The following SLC35F3 variants were observed in gnomAD, a reference collection of about 807,000 sequenced individuals.
The protein encoded by SLC35F3 is putative thiamine transporter SLC35F3.
In SLC35F3, 25 loss-of-function variants were observed where a neutral mutation model predicts 49.9. That is an observed-to-expected ratio of 0.50 (90% CI 0.37 to 0.70). The LOEUF (loss-of-function observed/expected upper bound fraction) is 0.70, where lower values mean the gene tolerates loss of function less well. Among genes scored for constraint, SLC35F3 ranks in the 30% least tolerant of loss-of-function variants. The probability of loss-of-function intolerance (pLI) is 0.00; values close to 1 mark genes in which losing one functional copy is unlikely to be tolerated. For missense variants in SLC35F3, 525 were observed against 639.8 expected (o/e 0.82, Z 1.94); for synonymous variants, 275 against 265.4 (o/e 1.04, Z -0.35).
intron 2 of SLC35F3, among the ~76,000 whole-genome samples, chr1:234,149,685 T>A (rs1666044020): frequency 6.6e-6 from 1 of 152,190 alleles, no homozygotes; most frequent in Admixed American, 6.5e-5. Flanking sequence ...ATGTTTCATG[T>A]TTGATATTTT....
At chr1:233,992,302 A>C (rs1663368375) in intron 2 of SLC35F3, among the ~76,000 whole-genome samples, 1 of 152,242 alleles carries the variant, frequency 6.6e-6, no homozygotes. Context: ...GTTGGTATTA[A>C]GAACACCTCA....
intron 2 of SLC35F3, among the ~76,000 whole-genome samples, chr1:233,990,770 G>A (rs4364940): frequency 0.39 from 59,331 of 152,054 alleles, 13,123 homozygotes; most frequent in African/African-American, 0.6. Context: ...TTACACATCC[G>A]TAAAGCTGAA....
At chr1:234,249,091 G>T (rs1318044943) in intron 3 of SLC35F3, among the ~76,000 whole-genome samples, 3 of 152,186 alleles carry the variant, frequency 2.0e-5, no homozygotes, top group Non-Finnish European at 4.4e-5. Context: ...TCTCTGCAGG[G>T]ATTCGCTAAC....
intron 2 of SLC35F3, among the ~76,000 whole-genome samples, chr1:234,204,400 A>G (rs1400763489): frequency 2.6e-5 from 4 of 152,206 alleles, no homozygotes; most frequent in African/African-American, 9.7e-5. Context: ...AAAGGTTCCC[A>G]TCAAGCTACA....
At chr1:234,227,363 G>T (rs1035051449) in intron 2 of SLC35F3, among the ~76,000 whole-genome samples, 1 of 150,528 alleles carries the variant, frequency 6.6e-6, no homozygotes, top group Non-Finnish European at 1.5e-5. Context: ...TTTTGGCATC[G>T]ATTTCCTTGA....
intron 2 of SLC35F3, among the ~76,000 whole-genome samples, chr1:234,077,165 C>T (rs537759271): frequency 1.6e-3 from 243 of 151,452 alleles, no homozygotes; most frequent in Non-Finnish European, 2.6e-3. Context: ...CCACCGCGCC[C>T]GGCTAATTTT....
chr1:234,238,649 A>G lies in SLC35F3; in HGVS notation c.608+6908A>G, dbSNP rs117823107. ...CCCACCACCACATCTCAGTTAACATATGCTGGCTTCATCCCAGTGAAATTC... is the reference window on the plus strand; with the variant it reads ...CCCACCACCACATCTCAGTTAACATGTGCTGGCTTCATCCCAGTGAAATTC... On this transcript the variant is annotated intron_variant, in intron 3 of 7. Transcript: ENST00000366618. Among the ~76,000 whole-genome samples the G allele has an allele frequency of 3.7e-3, 561 of 152,074 alleles. 21 individuals are homozygous for G. The South Asian group carries it at 0.056, about 15-fold the overall frequency.
At chr1:233,912,261 C>CTT (rs1661886883) in intron 2 of SLC35F3, among the ~76,000 whole-genome samples, 1 of 152,046 alleles carries the variant, frequency 6.6e-6, no homozygotes, top group Non-Finnish European at 1.5e-5. Context: ...GGGTGAATCA[C>CTT]GAGGTCAGGA....
intron 2 of SLC35F3, among the ~76,000 whole-genome samples, chr1:234,098,767 G>T (rs895300229): frequency 1.3e-5 from 2 of 150,758 alleles, no homozygotes; most frequent in African/African-American, 2.4e-5. Flanking sequence ...TGACTGTGTT[G>T]GTGGTGGTGG....
chr1:233,946,787 G>T (rs1662519755), intron 2 of SLC35F3, among the ~76,000 whole-genome samples: 1 of 152,228 alleles, frequency 6.6e-6, no homozygotes, highest in South Asian at 2.1e-4. Flanking sequence ...GCAAGTTCAT[G>T]TGTAAATGGT....
chr1:234,161,632 A>G (rs576976380), intron 2 of SLC35F3, among the ~76,000 whole-genome samples: 5 of 152,204 alleles, frequency 3.3e-5, no homozygotes, highest in African/African-American at 1.2e-4. Context: ...TGGAAAATGT[A>G]AAACAAAAAA....
intron 2 of SLC35F3, among the ~76,000 whole-genome samples, chr1:234,106,824 G>A (rs1259545668): frequency 2.0e-5 from 3 of 152,080 alleles, no homozygotes; most frequent in African/African-American, 7.2e-5. Context: ...TCCATGAGGG[G>A]GAACTTTGCT....
chr1:234,257,051 C>T (rs1420878351), intron 3 of SLC35F3, among the ~76,000 whole-genome samples: 3 of 152,166 alleles, frequency 2.0e-5, no homozygotes, highest in African/African-American at 7.2e-5. Context: ...ATACTTACAA[C>T]TTAAAACGGG....
At chr1:234,309,950 G>C (rs961846169) in intron 4 of SLC35F3, among the ~76,000 whole-genome samples, 2 of 152,154 alleles carry the variant, frequency 1.3e-5, no homozygotes, top group African/African-American at 4.8e-5. Context: ...CCGAGACCCA[G>C]TCAATTACAT....
intron 2 of SLC35F3, among the ~76,000 whole-genome samples, chr1:234,171,027 A>G (rs901487610): frequency 1.3e-5 from 2 of 152,212 alleles, no homozygotes; most frequent in Non-Finnish European, 1.5e-5. Flanking sequence ...TTTGTCAGCT[A>G]TGGGGCTGTG....
At chr1:234,285,629 A>T (rs189176994) in intron 3 of SLC35F3, 1 of 225,046 alleles carries the variant, frequency 4.4e-6, no homozygotes. Flanking sequence ...GCAATAACAG[A>T]CCTATTAATT....
At chr1:234,125,255 C>G (rs1311266055) in intron 2 of SLC35F3, among the ~76,000 whole-genome samples, 1 of 152,044 alleles carries the variant, frequency 6.6e-6, no homozygotes, top group Non-Finnish European at 1.5e-5. Context: ...GCCAAATTGC[C>G]CAGTTCACGC....
At position 234,104,424 on chromosome 1, in the gene SLC35F3, G is replaced by A. The variant is rs145747926; in HGVS notation, c.284-126993G>A. Among the ~76,000 whole-genome samples, 581 of 152,222 alleles carry A rather than the reference G, an allele frequency of 3.8e-3. 4 individuals are homozygous for A. Among genetic ancestry groups the A allele is most frequent in the African/African-American group, 0.012 (519 of 41,566 alleles). On this transcript the variant is annotated intron_variant, in intron 2 of 7. Transcript: ENST00000366618. ...GGAATAGAGAATGTCTAGAAGTTCA[G>A]AGACCTGCATGATTAAAAGATGCAA...
chr1:234,231,805 C>A lies in SLC35F3; in HGVS notation c.608+64C>A. ...GCTGCTCCATCCAGCGCTGACTCTGCAGAGCTGCCCCTGGTGGCAGGCGCT... is the reference window on the plus strand; with the variant it reads ...GCTGCTCCATCCAGCGCTGACTCTGAAGAGCTGCCCCTGGTGGCAGGCGCT... On this transcript the variant is annotated intron_variant, in intron 3 of 7. Coordinates refer to ENST00000366618, the MANE Select transcript of SLC35F3 (RefSeq NM_173508.4). This position sits in a 1 kb window ranked among gnomAD's most constrained non-coding sequence, Gnocchi z 5.4. The A allele has an allele frequency of 6.8e-7, 1 of 1,461,354 alleles. No homozygotes were observed. The highest frequency in any genetic ancestry group is 9.3e-7 in the Non-Finnish European group (1 of 1,072,668). The allele number at this position is 1,461,354 out of a possible 1,614,324, so 90.5% of individuals were successfully genotyped here.
Sources: allele counts gnomAD v4.1 joint callset (sites outside exome capture counted in the v4.1 genomes callset), GRCh38; gene constraint gnomAD v4.1.1; non-coding constraint Gnocchi (gnomAD v3.1); transcripts MANE v1.5; gene names NCBI Gene and HGNC (gene_info 2026-07-23, HGNC 2026-07-21).